Variants in UTRN observed in about 807,000 individuals in gnomAD.
UTRN encodes the protein utrophin.
UTRN carries 283 observed loss-of-function variants against 463.9 expected under a neutral mutation model. The observed-to-expected ratio is 0.61, with a 90% confidence interval of 0.55 to 0.67. The LOEUF (loss-of-function observed/expected upper bound fraction) is 0.67, where lower values mean the gene tolerates loss of function less well. Ranked by LOEUF, UTRN falls within the 30% of genes least tolerant of loss-of-function variation. The pLI is 0.00. For synonymous variants in UTRN, 1,442 were observed against 1,431.5 expected (o/e 1.01, Z -0.17); for missense variants, 3,922 against 4,084.3 (o/e 0.96, Z 1.08).
At chr6:144,775,578 A>G (rs1379976416) in intron 60 of UTRN, among the ~76,000 whole-genome samples, 1 of 152,202 alleles carries the variant, frequency 6.6e-6, no homozygotes, top group East Asian at 1.9e-4. Flanking sequence ...GTAAATTACG[A>G]ACACACAAAA....
At chr6:144,523,336 G>A (rs767714943) in intron 41 of UTRN, 148 bp downstream of exon 41, 3 of 602,444 alleles carry the variant, frequency 5.0e-6, no homozygotes, top group Admixed American at 4.2e-5. Flanking sequence ...TTAAGAAGGA[G>A]TCTTGCTCTG....
intron 2 of UTRN, among the ~76,000 whole-genome samples, chr6:144,323,665 TTCTC>T (rs1584280225): frequency 6.6e-6 from 1 of 152,230 alleles, no homozygotes; most frequent in Admixed American, 6.5e-5. Context: ...CTCTTCCTTG[TTCTC>T]TCTTTCTCTT....
chr6:144,709,261 CATAAA>C lies in UTRN; in HGVS notation c.7809+9023_7809+9027del, dbSNP rs150047902. Among the ~76,000 whole-genome samples, 297 of 152,248 alleles carry C rather than the reference CATAAA, an allele frequency of 2.0e-3. 4 individuals are homozygous for C. Among genetic ancestry groups the C allele is most frequent in the African/African-American group, 6.9e-3 (287 of 41,554 alleles). On this transcript the variant is annotated intron_variant, in intron 53 of 74. Coordinates refer to ENST00000367545, the MANE Select transcript of UTRN (RefSeq NM_007124.3). ...CATTATGATGTAGCTTTAAACAGAACATAAAATAACTTTTAAAACCAATTTTTTCA... is the reference window on the plus strand; with the variant it reads ...CATTATGATGTAGCTTTAAACAGAACATAACTTTTAAAACCAATTTTTTCA...
At chr6:144,586,033 C>A (rs867233004) in intron 51 of UTRN, among the ~76,000 whole-genome samples, 1 of 151,982 alleles carries the variant, frequency 6.6e-6, no homozygotes, top group Non-Finnish European at 1.5e-5. Context: ...GAGGATCATT[C>A]TTTTTATGTA....
chr6:144,560,718 A>G (rs2128617170), intron 50 of UTRN, among the ~76,000 whole-genome samples: 1 of 152,262 alleles, frequency 6.6e-6, no homozygotes, highest in Admixed American at 6.5e-5. Flanking sequence ...CTACAATGCC[A>G]AAATCTAAAA....
chr6:144,416,558 T>G (rs1784381104), intron 3 of UTRN, among the ~76,000 whole-genome samples: 1 of 152,194 alleles, frequency 6.6e-6, no homozygotes, highest in Non-Finnish European at 1.5e-5. Context: ...CTCTAACATT[T>G]TAAAATCCAG....
chr6:144,502,843 T>G (rs760653197), intron 34 of UTRN, among the ~76,000 whole-genome samples: 3 of 152,198 alleles, frequency 2.0e-5, no homozygotes, highest in Non-Finnish European at 4.4e-5. Context: ...TCCATAATGG[T>G]TGAAATAATT....
chr6:144,531,278 G>C (rs1389687428), intron 42 of UTRN, 76 bp downstream of exon 42: 1 of 1,322,962 alleles, frequency 7.6e-7, no homozygotes, highest in Admixed American at 2.9e-5. Context: ...TTCAGAAGTA[G>C]GGACAAAATA....
intron 2 of UTRN, chr6:144,344,129 A>C (rs1777375316): frequency 8.1e-7 from 1 of 1,233,432 alleles, no homozygotes; most frequent in Middle Eastern, 3.0e-4. Context: ...AACACAGGAC[A>C]TCCCAGTGTG....
At chr6:144,320,227 G>A (rs779759243) in intron 2 of UTRN, among the ~76,000 whole-genome samples, 2 of 152,214 alleles carry the variant, frequency 1.3e-5, no homozygotes, top group African/African-American at 2.4e-5. Flanking sequence ...TTAACAGATC[G>A]TTATAATTGT....
chr6:144,807,491 C>A (rs11961743), intron 65 of UTRN, among the ~76,000 whole-genome samples: 3,873 of 152,078 alleles, frequency 0.025, 95 homozygotes, highest in African/African-American at 0.065. Flanking sequence ...ATTCTATAAT[C>A]CAAATTTGTA....
chr6:144,559,779 T>A (rs914071636), intron 50 of UTRN, among the ~76,000 whole-genome samples: 1 of 152,040 alleles, frequency 6.6e-6, no homozygotes, highest in African/African-American at 2.4e-5. Context: ...AAAGAATACA[T>A]TTTTTCACCC....
chr6:144,714,485 G>T (rs1786158966), intron 53 of UTRN, among the ~76,000 whole-genome samples: 1 of 152,112 alleles, frequency 6.6e-6, no homozygotes, highest in Non-Finnish European at 1.5e-5. Flanking sequence ...CAGCTTCTCA[G>T]GTGTCCCATG....
chr6:144,640,051 A>AAAAAAAGAGAGATT (rs1250438886), intron 51 of UTRN, among the ~76,000 whole-genome samples: 1 of 85,340 alleles, frequency 1.2e-5, no homozygotes, highest in Non-Finnish European at 2.2e-5. Context: ...TGGTTTTGAG[A>AAAAAAAGAGAGATT]GAGAGAGAGA....
chr6:144,708,452 G>C (rs979321248), intron 53 of UTRN: 11 of 614,922 alleles, frequency 1.8e-5, no homozygotes, highest in Non-Finnish European at 2.9e-5. Flanking sequence ...GACTCCTCGG[G>C]CCTCTGACTC....
rs772908530 is a variant in UTRN, at chr6:144,781,954, A to G, written c.8665A>G (p.Ile2889Val). Reference sequence around the variant, plus strand: ...CTTAGAGTTGAGTACAACAAATGAAATTTTCAAACAGCACAAGTTGAACCA... The same window carrying G: ...CTTAGAGTTGAGTACAACAAATGAAGTTTTCAAACAGCACAAGTTGAACCA... ...DLLELSTTNE[I>V]FKQHKLNQND... Residue 2889 changes from isoleucine (I) to valine (V), a missense_variant, in exon 61 of 75, where the codon ATT becomes GTT. Ile to Val is a conservative substitution (Grantham distance 29). Transcript: ENST00000367545. The G allele has an allele frequency of 1.3e-5, 21 of 1,613,884 alleles. No homozygotes were observed. Among genetic ancestry groups the G allele is most frequent in the Non-Finnish European group, 1.7e-5 (20 of 1,179,970 alleles).
chr6:144,775,596 T>A (rs961691697), intron 60 of UTRN, among the ~76,000 whole-genome samples: 4 of 152,098 alleles, frequency 2.6e-5, no homozygotes, highest in Admixed American at 2.6e-4. Context: ...AAAGGGATGT[T>A]TGGTCTGCGC....
At chr6:144,346,711 T>C (rs895072155) in intron 2 of UTRN, among the ~76,000 whole-genome samples, 1 of 152,016 alleles carries the variant, frequency 6.6e-6, no homozygotes, top group Non-Finnish European at 1.5e-5. Flanking sequence ...AAATCCCAGC[T>C]ACTTGGGAGG....
At chr6:144,747,186 C>T (rs1456170080) in intron 54 of UTRN, among the ~76,000 whole-genome samples, 1 of 152,148 alleles carries the variant, frequency 6.6e-6, no homozygotes, top group Non-Finnish European at 1.5e-5. Context: ...GTGATGTGTA[C>T]TGAAAGATGA....
Sources: gnomAD v4.1 joint callset for allele counts (sites outside exome capture counted in the v4.1 genomes callset) on GRCh38, gnomAD v4.1.1 for gene constraint, MANE v1.5 for transcripts, NCBI Gene and HGNC (gene_info 2026-07-23, HGNC 2026-07-21) for gene names.